Variants in EPHA6 observed in about 807,000 individuals in gnomAD.
The protein encoded by EPHA6 is ephrin type-A receptor 6.
In EPHA6, 50 loss-of-function variants were observed where a neutral mutation model predicts 112.0. The ratio of observed to expected loss-of-function variants is 0.45; its 90% confidence interval spans 0.36 to 0.56. EPHA6 has a LOEUF of 0.56. EPHA6 is among the 20% of genes least tolerant of loss of function. The probability of loss-of-function intolerance (pLI) is 0.00; values close to 1 mark genes in which losing one functional copy is unlikely to be tolerated. For missense variants in EPHA6, 1,280 were observed against 1,417.4 expected (o/e 0.90, Z 1.56); for synonymous variants, 529 against 490.7 (o/e 1.08, Z -1.03).
intron 3 of EPHA6, among the ~76,000 whole-genome samples, chr3:97,129,530 C>CA (rs1399158402): frequency 2.8e-4 from 42 of 148,560 alleles, no homozygotes; most frequent in Admixed American, 1.8e-3. Flanking sequence ...AAAAAAAAAA[C>CA]AACAAAAAAA....
chr3:97,249,377 T>A (rs2079070549), intron 5 of EPHA6, among the ~76,000 whole-genome samples: 1 of 152,178 alleles, frequency 6.6e-6, no homozygotes, highest in African/African-American at 2.4e-5. Flanking sequence ...ATAATGATTA[T>A]AGTGCAGCCA....
intron 1 of EPHA6, among the ~76,000 whole-genome samples, chr3:96,837,778 T>G (rs1371050534): frequency 6.6e-6 from 1 of 152,138 alleles, no homozygotes; most frequent in Non-Finnish European, 1.5e-5. Context: ...TAAGGCAGTA[T>G]TTCATCTTTT....
At position 97,230,307 on chromosome 3, in the gene EPHA6, G is replaced by T. The variant is rs536418745; in HGVS notation, c.1270+3888G>T. ...TATTCAGCATGACAAACTAGTCAAAGAAAAATAAATATGGGCTACAACAAG... is the reference window on the plus strand; with the variant it reads ...TATTCAGCATGACAAACTAGTCAAATAAAAATAAATATGGGCTACAACAAG... On this transcript the variant is annotated intron_variant, in intron 4 of 17. Transcript: ENST00000389672. 3.3e-5 allele frequency among the ~76,000 whole-genome samples: 5 copies of T among 152,210 alleles called. No individual in the cohort carries two copies. In the East Asian group the frequency reaches 7.7e-4, roughly 24 times the overall value.
intron 5 of EPHA6, among the ~76,000 whole-genome samples, chr3:97,372,583 C>A (rs1461785907): frequency 1.3e-5 from 2 of 151,934 alleles, no homozygotes; most frequent in Non-Finnish European, 2.9e-5. Context: ...TCTGTTATTG[C>A]CATGCAATAA....
rs1319915741 is a variant in EPHA6, at chr3:96,994,730, TATAGAG to T, written c.1114+6739_1114+6744del. On this transcript the variant is annotated intron_variant, in intron 3 of 17. Coordinates refer to ENST00000389672, the MANE Select transcript of EPHA6 (RefSeq NM_001080448.3). Reference sequence around the variant, plus strand: ...GTGTGTATATATATATATATATATATATAGAGAGAGAGAGAGAGAGAGAGAGAGAGA... The same window carrying T: ...GTGTGTATATATATATATATATATATAGAGAGAGAGAGAGAGAGAGAGAGA... Among the ~76,000 whole-genome samples the T allele has an allele frequency of 3.2e-3, 266 of 82,822 alleles. 1 individual carries two copies. Among genetic ancestry groups the T allele is most frequent in the African/African-American group, 0.016 (224 of 13,898 alleles). 54.3% of individuals were successfully genotyped at this position (82,822 alleles called of 152,430 possible). A position where few individuals can be genotyped will look rare whatever the true frequency, so the allele number is the denominator to read the frequency against.
chr3:97,024,149 TAGTATA>T (rs1459301739), intron 3 of EPHA6, among the ~76,000 whole-genome samples: 1 of 152,172 alleles, frequency 6.6e-6, no homozygotes, highest in Non-Finnish European at 1.5e-5. Context: ...TATTGAGACC[TAGTATA>T]AGAGTAGAGC....
At chr3:97,219,254 T>C (rs898873974) in intron 3 of EPHA6, among the ~76,000 whole-genome samples, 4 of 152,152 alleles carry the variant, frequency 2.6e-5, no homozygotes, top group Non-Finnish European at 5.9e-5. Context: ...CACTAGGCAG[T>C]ACCCAAGTGG....
intron 2 of EPHA6, among the ~76,000 whole-genome samples, chr3:96,889,478 G>T (rs570432854): frequency 6.6e-6 from 1 of 152,216 alleles, no homozygotes; most frequent in African/African-American, 2.4e-5. Context: ...ACATGGTGGT[G>T]GCAAGAGAGA....
At chr3:97,146,615 T>A (rs1452791745) in intron 3 of EPHA6, among the ~76,000 whole-genome samples, 1 of 152,018 alleles carries the variant, frequency 6.6e-6, no homozygotes, top group Non-Finnish European at 1.5e-5. Context: ...ATAGCTACCT[T>A]ATCAACTAAG....
At chr3:97,676,513 C>A (rs536218319) in intron 14 of EPHA6, among the ~76,000 whole-genome samples, 2 of 152,256 alleles carry the variant, frequency 1.3e-5, no homozygotes, top group East Asian at 1.9e-4. Context: ...ATAAATAACT[C>A]TTTCAAAGAA....
intron 3 of EPHA6, among the ~76,000 whole-genome samples, chr3:97,167,638 A>G (rs1005188650): frequency 1.3e-5 from 2 of 152,148 alleles, no homozygotes; most frequent in Non-Finnish European, 2.9e-5. Context: ...TTTAAGATAT[A>G]AGGTGTCATA....
intron 3 of EPHA6, among the ~76,000 whole-genome samples, chr3:97,136,063 T>C (rs888152603): frequency 1.3e-5 from 2 of 152,170 alleles, no homozygotes; most frequent in African/African-American, 4.8e-5. Context: ...GAGGTTAAAG[T>C]GATCTCAATT....
At chr3:96,828,055 C>G (rs913494578) in intron 1 of EPHA6, among the ~76,000 whole-genome samples, 1 of 151,890 alleles carries the variant, frequency 6.6e-6, no homozygotes, top group African/African-American at 2.4e-5. Context: ...TTGAAACTTT[C>G]GCCAGTCTGT....
chr3:97,692,104 A>G (rs545560956), intron 14 of EPHA6, among the ~76,000 whole-genome samples: 1 of 152,300 alleles, frequency 6.6e-6, no homozygotes, highest in East Asian at 1.9e-4. Context: ...ATATTTATAG[A>G]TTTAAAGTTA....
chr3:97,383,907 G>T (rs1414244968), intron 5 of EPHA6, among the ~76,000 whole-genome samples: 1 of 152,054 alleles, frequency 6.6e-6, no homozygotes, highest in Non-Finnish European at 1.5e-5. Context: ...TCTGGAAAAT[G>T]ATTTCCAAGG....
intron 3 of EPHA6, among the ~76,000 whole-genome samples, chr3:97,110,214 G>T (rs116800543): frequency 6.6e-6 from 1 of 151,982 alleles, no homozygotes; most frequent in African/African-American, 2.4e-5. Flanking sequence ...GTAGATGGGG[G>T]TGGATGATGG....
chr3:97,748,517 A>ATC (rs71113865), intron 17 of EPHA6, 70 bp from the exon 18 acceptor site: 18,406 of 718,304 alleles, frequency 0.026, 70 homozygotes, highest in Non-Finnish European at 0.035. Flanking sequence ...CATATTCTGT[A>ATC]TCTCTCTCTC....
At chr3:96,973,754 C>T (rs532956117) in intron 2 of EPHA6, among the ~76,000 whole-genome samples, 92 of 144,346 alleles carry the variant, frequency 6.4e-4, no homozygotes, top group African/African-American at 2.0e-3. Context: ...TGAACCCGGG[C>T]GTGGGGGCTG....
intron 1 of EPHA6, among the ~76,000 whole-genome samples, chr3:96,829,949 G>GCGCGCGCGCGCGCGCGCACACA (rs373416797): frequency 7.4e-6 from 1 of 136,034 alleles, no homozygotes; most frequent in African/African-American, 3.0e-5. Context: ...GCGCGCGCGC[G>GCGCGCGCGCGCGCGCGCACACA]CACACACACA....
Sources: gnomAD v4.1 joint callset for allele counts (sites outside exome capture counted in the v4.1 genomes callset) on GRCh38, gnomAD v4.1.1 for gene constraint, MANE v1.5 for transcripts, NCBI Gene and HGNC (gene_info 2026-07-23, HGNC 2026-07-21) for gene names.